ALMS1: variants seen among roughly 807,000 people sequenced by gnomAD.
ALMS1 encodes ALMS1 centrosome and basal body associated protein.
A neutral mutation model predicts 352.2 loss-of-function variants in ALMS1; 271 were observed. That is an observed-to-expected ratio of 0.77 (90% CI 0.70 to 0.85). ALMS1 has a LOEUF of 0.85. Ranked by LOEUF, ALMS1 falls within the 40% of genes least tolerant of loss-of-function variation. ALMS1 has a pLI of 0.00. For missense variants in ALMS1, 5,445 were observed against 4,870.7 expected (o/e 1.12, Z -3.51); for synonymous variants, 1,865 against 1,761.2 (o/e 1.06, Z -1.48).
intron 2 of ALMS1, 69 bp downstream of exon 2, chr2:73,408,816 G>T: frequency 2.3e-6 from 3 of 1,316,560 alleles, no homozygotes; most frequent in Admixed American, 2.0e-5. Flanking sequence ...ATTTAGCTAT[G>T]AAGAATGGAA....
intron 13 of ALMS1, among the ~76,000 whole-genome samples, chr2:73,552,053 TTTATTTTA>T (rs1277096668): frequency 6.6e-6 from 1 of 152,176 alleles, no homozygotes; most frequent in Non-Finnish European, 1.5e-5. Context: ...TTTTTTTTAT[TTTATTTTA>T]TTATTGTTAT....
At chr2:73,556,509 C>T (rs767741643) in intron 13 of ALMS1, among the ~76,000 whole-genome samples, 48 of 151,872 alleles carry the variant, frequency 3.2e-4, no homozygotes, top group Non-Finnish European at 5.2e-4. Context: ...GATAAAAGTG[C>T]TTTTCTTGGA....
chr2:73,574,283 A>C (rs1675006345), intron 16 of ALMS1, among the ~76,000 whole-genome samples: 1 of 152,210 alleles, frequency 6.6e-6, no homozygotes, highest in African/African-American at 2.4e-5. Flanking sequence ...CAATAAATGT[A>C]GGCCATTGCT....
chr2:73,416,000 T>C (rs1572909078), intron 2 of ALMS1, among the ~76,000 whole-genome samples: 1 of 152,212 alleles, frequency 6.6e-6, no homozygotes, highest in Non-Finnish European at 1.5e-5. Context: ...GTAAGTGATC[T>C]GTGGAGGTCA....
At chr2:73,420,591 G>A (rs1385822135) in intron 3 of ALMS1, among the ~76,000 whole-genome samples, 1 of 152,024 alleles carries the variant, frequency 6.6e-6, no homozygotes, top group African/African-American at 2.4e-5. Context: ...TACTAAAAAA[G>A]GCTATATAAC....
chr2:73,409,866 T>A (rs1412197034), intron 2 of ALMS1, among the ~76,000 whole-genome samples: 3 of 152,184 alleles, frequency 2.0e-5, no homozygotes, highest in Non-Finnish European at 4.4e-5. Flanking sequence ...ATAGTTCCAA[T>A]TCAAGTCCAA....
intron 9 of ALMS1, among the ~76,000 whole-genome samples, chr2:73,484,864 C>T (rs562475262): frequency 6.6e-6 from 1 of 152,382 alleles, no homozygotes; most frequent in East Asian, 1.9e-4. Context: ...CAGTTGATGG[C>T]ATCGGCTCTT....
At chr2:73,563,458 C>T (rs768489301) in intron 15 of ALMS1, among the ~76,000 whole-genome samples, 2 of 152,076 alleles carry the variant, frequency 1.3e-5, no homozygotes, top group Non-Finnish European at 2.9e-5. Context: ...TGCGGTGGCT[C>T]ACGCCTGTAA....
rs1371831589 is a variant in ALMS1, at chr2:73,490,334, G to A, written c.8375G>A (p.Arg2792Lys). ...DKEVTILAEG[R>K]RQSQKLPVDF... ...GAAGTGACTATTTTAGCAGAAGGTA[G>A]AAGGCAAAGCCAAAAATTACCTGTT... Residue 2792 changes from arginine (R) to lysine (K), a missense_variant, in exon 10 of 23, where the codon AGA (arginine) becomes AAA (lysine). Coordinates refer to ENST00000613296, the MANE Select transcript of ALMS1 (RefSeq NM_001378454.1). 1.9e-6 allele frequency: 3 copies of A among 1,612,350 alleles called. No homozygotes were observed. Among genetic ancestry groups the A allele is most frequent in the Non-Finnish European group, 1.7e-6 (2 of 1,179,268 alleles).
At chr2:73,473,913 TAGAG>T (rs910355142) in intron 9 of ALMS1, among the ~76,000 whole-genome samples, 4 of 125,454 alleles carry the variant, frequency 3.2e-5, no homozygotes, top group Non-Finnish European at 5.3e-5. Flanking sequence ...ATGGGATTCT[TAGAG>T]GGAAGAGAGA....
chr2:73,505,977 A>G (rs1673312392), intron 10 of ALMS1, among the ~76,000 whole-genome samples: 1 of 152,164 alleles, frequency 6.6e-6, no homozygotes, highest in African/African-American at 2.4e-5. Context: ...TATAAGGTGT[A>G]AGGAAGGGAT....
intron 1 of ALMS1, among the ~76,000 whole-genome samples, chr2:73,389,350 A>G (rs999950143): frequency 7.9e-5 from 12 of 152,078 alleles, no homozygotes; most frequent in Non-Finnish European, 1.8e-4. Flanking sequence ...GTCCTTTGTC[A>G]GATGCATAGT....
At chr2:73,434,826 C>CA (rs1340363296) in intron 7 of ALMS1, among the ~76,000 whole-genome samples, 3 of 152,028 alleles carry the variant, frequency 2.0e-5, no homozygotes, top group Non-Finnish European at 2.9e-5. Flanking sequence ...TTTTTGGAGA[C>CA]AGAGTCTTGT....
chr2:73,473,945 AG>A (rs1292650631), intron 9 of ALMS1, among the ~76,000 whole-genome samples: 8 of 151,886 alleles, frequency 5.3e-5, no homozygotes, highest in Middle Eastern at 3.4e-3. Flanking sequence ...AGAGAGAGAG[AG>A]AAAGGGGCGG....
intron 9 of ALMS1, among the ~76,000 whole-genome samples, chr2:73,477,339 T>C (rs1672604006): frequency 6.6e-6 from 1 of 152,138 alleles, no homozygotes; most frequent in Admixed American, 6.6e-5. Flanking sequence ...ATGCCATTGA[T>C]CTACATGACT....
At chr2:73,603,732 C>G in intron 21 of ALMS1, 1 of 237,062 alleles carries the variant, frequency 4.2e-6, no homozygotes, top group Non-Finnish European at 8.3e-6. Context: ...TGGAGGCACA[C>G]GCCTGTAATC....
intron 10 of ALMS1, among the ~76,000 whole-genome samples, chr2:73,500,121 T>C (rs1489178448): frequency 1.3e-5 from 2 of 152,192 alleles, no homozygotes; most frequent in African/African-American, 4.8e-5. Flanking sequence ...CTAAATATGA[T>C]GAATAATTTT....
At chr2:73,406,592 G>T (rs1670978031) in intron 1 of ALMS1, among the ~76,000 whole-genome samples, 1 of 151,748 alleles carries the variant, frequency 6.6e-6, no homozygotes, top group African/African-American at 2.4e-5. Context: ...TTTCATTGTA[G>T]TTACCATGAG....
At chr2:73,595,622 C>T (rs1036638294) in intron 16 of ALMS1, among the ~76,000 whole-genome samples, 1 of 152,116 alleles carries the variant, frequency 6.6e-6, no homozygotes, top group African/African-American at 2.4e-5. Context: ...TGTGGGCATA[C>T]ATTTTCATTT....
Sources: allele counts gnomAD v4.1 joint callset (sites outside exome capture counted in the v4.1 genomes callset), GRCh38; gene constraint gnomAD v4.1.1; transcripts MANE v1.5; gene names NCBI Gene and HGNC (gene_info 2026-07-23, HGNC 2026-07-21).